SORCS3: variants seen among roughly 807,000 people sequenced by gnomAD.
The protein encoded by SORCS3 is sortilin related VPS10 domain containing receptor 3.
Under a neutral mutation model 146.3 loss-of-function variants are expected in SORCS3, and 57 were observed. The ratio of observed to expected loss-of-function variants is 0.39; its 90% CI spans 0.31 to 0.49. SORCS3 has a LOEUF of 0.49. Among genes scored for constraint, SORCS3 ranks in the 20% least tolerant of loss-of-function variants. The pLI, the probability that SORCS3 is intolerant of heterozygous loss-of-function variation, is 0.92. For missense variants in SORCS3, 1,341 were observed against 1,575.5 expected (o/e 0.85, Z 2.52); for synonymous variants, 653 against 618.5 (o/e 1.06, Z -0.83).
At position 105,095,887 on chromosome 10, in the gene SORCS3, G is replaced by A. The variant is rs925733008; in HGVS notation, c.1093+6048G>A. Among the ~76,000 whole-genome samples, 13 of 152,124 alleles carry A rather than the reference G, an allele frequency of 8.5e-5. No homozygotes were observed. In the East Asian group the frequency reaches 2.1e-3, roughly 25 times the overall value. On this transcript the variant is annotated intron_variant, in intron 6 of 26. Transcript: ENST00000369701. ...GATTTATTTATTCATTCAGGGAACAGAAGCAAGATCTGCTCATGAAACATC... is the reference window on the plus strand; with the variant it reads ...GATTTATTTATTCATTCAGGGAACAAAAGCAAGATCTGCTCATGAAACATC...
At chr10:104,802,310 A>G (rs1275791312) in intron 1 of SORCS3, among the ~76,000 whole-genome samples, 1 of 152,212 alleles carries the variant, frequency 6.6e-6, no homozygotes, top group Non-Finnish European at 1.5e-5. Flanking sequence ...AGAAAAGTTG[A>G]AAAGCAGCCA....
chr10:104,790,073 A>G lies in SORCS3; in HGVS notation c.628-52719A>G, dbSNP rs2017478817. 2.0e-5 allele frequency among the ~76,000 whole-genome samples: 3 copies of G among 152,260 alleles called. No individual in the cohort carries two copies. The South Asian group carries it at 6.2e-4, about 31-fold the overall frequency. On this transcript the variant is annotated intron_variant, in intron 1 of 26. Coordinates refer to ENST00000369701, the MANE Select transcript of SORCS3 (RefSeq NM_014978.3). Reference sequence around the variant, plus strand: ...AAGCAGGAGAGCCTGTCCAGGATCTATAACTGTTTCTTTCCCCGTGCAGAA... The same window carrying G: ...AAGCAGGAGAGCCTGTCCAGGATCTGTAACTGTTTCTTTCCCCGTGCAGAA...
chr10:104,707,144 G>A (rs575860359), intron 1 of SORCS3, among the ~76,000 whole-genome samples: 133 of 152,270 alleles, frequency 8.7e-4, no homozygotes, highest in East Asian at 5.8e-4. Flanking sequence ...CTGATGTAGT[G>A]GCTAAGAGCA....
At chr10:104,680,695 C>G (rs979083952) in intron 1 of SORCS3, among the ~76,000 whole-genome samples, 2 of 152,230 alleles carry the variant, frequency 1.3e-5, no homozygotes, top group African/African-American at 2.4e-5. Context: ...CTGGCACACT[C>G]GAAGTGCCAA....
In SORCS3 at chr10:105,089,943, G is replaced by C; in HGVS notation, c.1093+104G>C. 3.5e-6 allele frequency: 3 copies of C among 869,240 alleles called. No homozygotes were observed. In the Admixed American group the frequency reaches 6.0e-5, roughly 17 times the overall value. The allele number at this position is 869,240 out of a possible 1,614,324, so 53.8% of individuals were successfully genotyped here. ...ATCTTGGGAAGATGAAAAGCTCTGAGCTCCATTACAGCCACATCCATCCTT... is the reference window on the plus strand; with the variant it reads ...ATCTTGGGAAGATGAAAAGCTCTGACCTCCATTACAGCCACATCCATCCTT... On this transcript the variant is annotated intron_variant, in intron 6 of 26. Coordinates refer to ENST00000369701, the MANE Select transcript of SORCS3 (RefSeq NM_014978.3).
chr10:104,901,372 A>G (rs1371213885), intron 2 of SORCS3, among the ~76,000 whole-genome samples: 1 of 152,206 alleles, frequency 6.6e-6, no homozygotes, highest in Non-Finnish European at 1.5e-5. Context: ...CATGTCTGTG[A>G]CTTCGAAGTT....
At chr10:104,831,482 C>T (rs570314633) in intron 1 of SORCS3, among the ~76,000 whole-genome samples, 47 of 152,222 alleles carry the variant, frequency 3.1e-4, no homozygotes, top group Middle Eastern at 3.4e-3. Context: ...GGGCCAGTTG[C>T]GATTCCAAAG....
chr10:105,047,004 T>C lies in SORCS3; in HGVS notation c.1028+3876T>C, dbSNP rs371572518. Among the ~76,000 whole-genome samples the C allele has an allele frequency of 5.9e-5, 9 of 152,158 alleles. No homozygotes were observed. The East Asian group carries it at 1.5e-3, about 26-fold the overall frequency. The stretch of plus-strand genomic sequence containing the variant: ...TTCCTAGGCTCTGCTATGGCAGAGT[T>C]GTTGTCATGGGGGAAAAGCTTTTCT... On this transcript the variant is annotated intron_variant, in intron 5 of 26. Transcript: ENST00000369701.
intron 1 of SORCS3, among the ~76,000 whole-genome samples, chr10:104,781,952 C>T (rs778278561): frequency 1.7e-4 from 26 of 152,286 alleles, no homozygotes; most frequent in South Asian, 4.1e-4. Flanking sequence ...GATGGAGTTA[C>T]GGAGCTTTAC....
chr10:105,009,527 C>CAAAAAAAAAAAAAAAAAAAAAA (rs35368294), intron 4 of SORCS3, among the ~76,000 whole-genome samples: 1 of 105,222 alleles, frequency 9.5e-6, no homozygotes, highest in Non-Finnish European at 2.1e-5. Flanking sequence ...AACAAACAAA[C>CAAAAAAAAAAAAAAAAAAAAAA]AAAAAAAAAA....
chr10:105,026,601 A>T (rs372961716), intron 4 of SORCS3, among the ~76,000 whole-genome samples: 5 of 152,246 alleles, frequency 3.3e-5, no homozygotes, highest in Non-Finnish European at 7.3e-5. Flanking sequence ...TGTGGACTGG[A>T]TAAAGAAAAT....
chr10:104,748,460 A>C (rs1211070532), intron 1 of SORCS3, among the ~76,000 whole-genome samples: 1 of 152,200 alleles, frequency 6.6e-6, no homozygotes, highest in African/African-American at 2.4e-5. Flanking sequence ...CTTAAGGAAG[A>C]AAAGAAAATT....
intron 4 of SORCS3, among the ~76,000 whole-genome samples, chr10:104,981,660 G>A (rs2054932225): frequency 6.6e-6 from 1 of 152,182 alleles, no homozygotes; most frequent in East Asian, 1.9e-4. Context: ...TCTCATTGCT[G>A]TACAGAGCTG....
chr10:105,139,054 A>G (rs2056077167), intron 7 of SORCS3, among the ~76,000 whole-genome samples: 1 of 152,244 alleles, frequency 6.6e-6, no homozygotes, highest in Non-Finnish European at 1.5e-5. Context: ...GAATAAATAG[A>G]TCATGGGTGT....
At chr10:104,643,353 G>A (rs2015450463) in intron 1 of SORCS3, among the ~76,000 whole-genome samples, 1 of 152,230 alleles carries the variant, frequency 6.6e-6, no homozygotes, top group African/African-American at 2.4e-5. Context: ...TCCGCAGAAG[G>A]TAGTACATAA....
Position 104,641,935 on chromosome 10 carries a change from G to T in SORCS3, c.608G>T (p.Trp203Leu), listed in dbSNP as rs773315690. The change falls in exon 1 of 27, where the codon TGG becomes TTG. Residue 203 changes from tryptophan to leucine, a missense_variant. Trp to Leu is a moderately conservative substitution (Grantham distance 61). Transcript: ENST00000369701. The surrounding 1 kb of genome is among the most constrained non-coding windows in gnomAD (Gnocchi z 6.4). ...GCCCACAACCAAGCCATGGTGCACT[G>T]GTCGGGACACAACAGCAGCGTGAGT... ...DSAHNQAMVHWSGHNSSVILI... is the reference protein window; with the variant it reads ...DSAHNQAMVHLSGHNSSVILI... The T allele has an allele frequency of 2.5e-5, 40 of 1,591,124 alleles. No individual in the cohort carries two copies. Among genetic ancestry groups the T allele is most frequent in the South Asian group, 2.0e-4 (18 of 90,492 alleles).
intron 1 of SORCS3, among the ~76,000 whole-genome samples, chr10:104,693,181 G>T (rs987174099): frequency 1.8e-4 from 27 of 152,216 alleles, no homozygotes; most frequent in Middle Eastern, 3.2e-3. Flanking sequence ...CCCAGCAGAG[G>T]AGAAAGCATC....
chr10:104,927,353 A>T (rs2019158788), intron 3 of SORCS3, among the ~76,000 whole-genome samples: 2 of 152,182 alleles, frequency 1.3e-5, no homozygotes, highest in African/African-American at 4.8e-5. Flanking sequence ...AAGGGATTCC[A>T]TTTGAGGTTA....
At chr10:104,971,298 T>C (rs2054859220) in intron 3 of SORCS3, among the ~76,000 whole-genome samples, 1 of 152,216 alleles carries the variant, frequency 6.6e-6, no homozygotes. Context: ...TGTCTTACAG[T>C]AATCCAGGAG....
Sources: allele counts gnomAD v4.1 joint callset (sites outside exome capture counted in the v4.1 genomes callset), GRCh38; gene constraint gnomAD v4.1.1; non-coding constraint Gnocchi (gnomAD v3.1); transcripts MANE v1.5; gene names NCBI Gene and HGNC (gene_info 2026-07-23, HGNC 2026-07-21).